The following LRRC52 variants were observed in gnomAD, a reference collection of about 807,000 sequenced individuals.
LRRC52 encodes the protein leucine rich repeat containing 52.
In LRRC52, 15 loss-of-function variants were observed where a neutral mutation model predicts 14.7. The observed-to-expected ratio is 1.02, with a 90% CI of 0.68 to 1.58. LRRC52 has a LOEUF of 1.58. Among genes scored for constraint, LRRC52 ranks in the 40% most tolerant of loss-of-function variants. The probability of loss-of-function intolerance (pLI) is 0.00; values close to 1 mark genes in which losing one functional copy is unlikely to be tolerated. For missense variants in LRRC52, 400 were observed against 387.7 expected (o/e 1.03, Z -0.27); for synonymous variants, 180 against 163.9 (o/e 1.10, Z -0.75).
At position 165,563,846 on chromosome 1, in the gene LRRC52, T is replaced by C. The variant is rs1332757860; in HGVS notation, c.*22T>C. The C allele has an allele frequency of 1.9e-6, 3 of 1,604,636 alleles. No individual in the cohort carries two copies. The highest frequency in any genetic ancestry group is 4.5e-5 in the East Asian group (2 of 44,786). ...TTAGTTGCCAGAGACCACTATCTTA[T>C]GTGCCTCCCCCAGGCTCCCTGCTTT... On this transcript the variant is annotated 3_prime_UTR_variant, in exon 2 of 2. Coordinates refer to ENST00000294818, the MANE Select transcript of LRRC52 (RefSeq NM_001005214.4).
At chr1:165,559,368 A>G in intron 1 of LRRC52, among the ~76,000 whole-genome samples, 1 of 152,182 alleles carries the variant, frequency 6.6e-6, no homozygotes, top group East Asian at 1.9e-4. Flanking sequence ...CAGCCTGGGC[A>G]ACAAGAGTGA....
chr1:165,544,406 T>C lies in LRRC52; in HGVS notation c.110T>C (p.Val37Ala). ...PNNCLCQAQE[V>A]ICTGKQLTEY... ...AATTGTCTGTGTCAAGCCCAAGAAGTAATCTGCACAGGGAAGCAGTTAACC... is the reference window on the plus strand; with the variant it reads ...AATTGTCTGTGTCAAGCCCAAGAAGCAATCTGCACAGGGAAGCAGTTAACC... The change falls in exon 1 of 2, where the codon GTA (valine) becomes GCA (alanine). Residue 37 changes from valine to alanine, a missense_variant. Transcript: ENST00000294818. The C allele has an allele frequency of 6.2e-7, 1 of 1,614,096 alleles. No individual in the cohort carries two copies. The highest frequency in any genetic ancestry group is 8.5e-7 in the Non-Finnish European group (1 of 1,180,020).
chr1:165,554,181 G>A (rs1203007401), intron 1 of LRRC52, among the ~76,000 whole-genome samples: 1 of 152,164 alleles, frequency 6.6e-6, no homozygotes, highest in African/African-American at 2.4e-5. Context: ...ACTGCACACA[G>A]TACATGTTCA....
rs1661402583 is a variant in LRRC52, at chr1:165,563,917, T to C, written c.*93T>C. 9 of 1,315,020 alleles carry C rather than the reference T, an allele frequency of 6.8e-6. No homozygotes were observed. Among genetic ancestry groups the C allele is most frequent in the South Asian group, 5.6e-5 (4 of 70,948 alleles). The allele number at this position is 1,315,020 out of a possible 1,614,324, so 81.5% of individuals were successfully genotyped here. On this transcript the variant is annotated 3_prime_UTR_variant, in exon 2 of 2. Coordinates refer to ENST00000294818, the MANE Select transcript of LRRC52 (RefSeq NM_001005214.4). ...CACCACCTTGGAGCTGTCATAGAGA[T>C]TGAAACCTTCTAGTAAAATAAATAA... is the stretch of plus-strand genomic sequence containing the variant.
chr1:165,544,294 A>G lies in LRRC52; in HGVS notation c.-3A>G. 6.6e-7 allele frequency: 1 copy of G among 1,519,696 alleles called. No homozygotes were observed. The highest frequency in any genetic ancestry group is 8.9e-7 in the Non-Finnish European group (1 of 1,124,964). The allele number at this position is 1,519,696 out of a possible 1,614,324, so 94.1% of individuals were successfully genotyped here. A position where few individuals can be genotyped will look rare whatever the true frequency, so the allele number is the denominator to read the frequency against. ...GAAAGGAGGGTGGTTGTGGCTTCTT[A>G]CTATGTCCCTTGCTTCAGGCCCTGG... is the stretch of plus-strand genomic sequence containing the variant. On this transcript the variant is annotated 5_prime_UTR_variant, in exon 1 of 2. Coordinates refer to ENST00000294818, the MANE Select transcript of LRRC52 (RefSeq NM_001005214.4).
intron 1 of LRRC52, among the ~76,000 whole-genome samples, chr1:165,550,267 T>C (rs1318690827): frequency 1.3e-5 from 2 of 152,124 alleles, no homozygotes; most frequent in Non-Finnish European, 2.9e-5. Context: ...CTCCAAAACA[T>C]ACAAAACCTA....
intron 1 of LRRC52, among the ~76,000 whole-genome samples, chr1:165,548,572 C>T (rs936111634): frequency 3.9e-5 from 6 of 152,198 alleles, no homozygotes; most frequent in African/African-American, 1.4e-4. Context: ...CAGTCACCCT[C>T]AGGCAGCAGA....
At chr1:165,548,245 G>A (rs1661063049) in intron 1 of LRRC52, among the ~76,000 whole-genome samples, 1 of 152,206 alleles carries the variant, frequency 6.6e-6, no homozygotes, top group South Asian at 2.1e-4. Context: ...GGCAATATGA[G>A]AGTGCATATA....
chr1:165,546,092 T>A (rs1661015284), intron 1 of LRRC52, among the ~76,000 whole-genome samples: 1 of 151,962 alleles, frequency 6.6e-6, no homozygotes, highest in Admixed American at 6.6e-5. Context: ...GTGGTGACAG[T>A]AAGTAAAAAA....
At chr1:165,547,233 C>T (rs1408356496) in intron 1 of LRRC52, among the ~76,000 whole-genome samples, 1 of 152,098 alleles carries the variant, frequency 6.6e-6, no homozygotes, top group Non-Finnish European at 1.5e-5. Flanking sequence ...GGTCTTTTTC[C>T]ACAAGACTAT....
At chr1:165,560,368 GAAC>G (rs1661317006) in intron 1 of LRRC52, among the ~76,000 whole-genome samples, 1 of 152,126 alleles carries the variant, frequency 6.6e-6, no homozygotes, top group African/African-American at 2.4e-5. Context: ...AAAAGTACCA[GAAC>G]ATCCCTCAAT....
rs78171878 is a variant in LRRC52, at chr1:165,552,940, G to A, written c.622+8022G>A. 4.3e-3 allele frequency among the ~76,000 whole-genome samples: 656 copies of A among 152,260 alleles called. 5 individuals carry two copies. The highest frequency in any genetic ancestry group is 0.015 in the African/African-American group (635 of 41,532). ...TGCTGACATAAACACACTTGGAGGA[G>A]GGCAGTGAGGAAGTCAGGCTAGAAG... On this transcript the variant is annotated intron_variant, in intron 1 of 1. Transcript: ENST00000294818.
chr1:165,556,608 A>G (rs1187628854), intron 1 of LRRC52, among the ~76,000 whole-genome samples: 1 of 152,192 alleles, frequency 6.6e-6, no homozygotes, highest in African/African-American at 2.4e-5. Context: ...ATGCAAAAGG[A>G]TGGGAAAGCT....
At chr1:165,561,219 A>G (rs563751109) in intron 1 of LRRC52, among the ~76,000 whole-genome samples, 1 of 152,262 alleles carries the variant, frequency 6.6e-6, no homozygotes, top group African/African-American at 2.4e-5. Flanking sequence ...ATGCTCCAAA[A>G]TGGGGAAACG....
chr1:165,544,682 A>C lies in LRRC52; in HGVS notation c.386A>C (p.Gln129Pro), dbSNP rs922303973. The C allele has an allele frequency of 6.2e-7, 1 of 1,614,116 alleles. No homozygotes were observed. Among genetic ancestry groups the C allele is most frequent in the Non-Finnish European group, 8.5e-7 (1 of 1,180,028 alleles). The change falls in exon 1 of 2, where the codon CAG becomes CCG. Residue 129 changes from glutamine to proline, a missense_variant. Gln to Pro is a moderately conservative substitution (Grantham distance 76). Transcript: ENST00000294818. ...FTFSVLSNLVQLNIANNPHLL... is the reference protein window; with the variant it reads ...FTFSVLSNLVPLNIANNPHLL... ...TTCTCGGTGCTCAGCAACCTGGTGC[A>C]GCTGAACATTGCCAACAACCCTCAC...
chr1:165,561,952 A>G (rs1265454323), intron 1 of LRRC52, among the ~76,000 whole-genome samples: 2 of 152,194 alleles, frequency 1.3e-5, no homozygotes, highest in South Asian at 2.1e-4. Context: ...TCCAGCCCCC[A>G]TTAGGATTTA....
chr1:165,549,039 C>G (rs1661080384), intron 1 of LRRC52, among the ~76,000 whole-genome samples: 1 of 152,094 alleles, frequency 6.6e-6, no homozygotes, highest in South Asian at 2.1e-4. Flanking sequence ...AGACTCTAAT[C>G]CATACAAAAA....
At chr1:165,556,014 T>C (rs937580428) in intron 1 of LRRC52, among the ~76,000 whole-genome samples, 1 of 152,250 alleles carries the variant, frequency 6.6e-6, no homozygotes, top group Admixed American at 6.5e-5. Context: ...ATGCAGCTTG[T>C]TCCCCTCACC....
intron 1 of LRRC52, among the ~76,000 whole-genome samples, chr1:165,558,904 G>A (rs2101832527): frequency 6.6e-6 from 1 of 152,254 alleles, no homozygotes; most frequent in East Asian, 1.9e-4. Flanking sequence ...ACGGACGGAA[G>A]AAGATACACA....
Sources: gnomAD v4.1 joint callset for allele counts (sites outside exome capture counted in the v4.1 genomes callset) on GRCh38, gnomAD v4.1.1 for gene constraint, MANE v1.5 for transcripts, NCBI Gene and HGNC (gene_info 2026-07-23, HGNC 2026-07-21) for gene names.